The following IQCH variants were observed in gnomAD, a reference collection of about 807,000 sequenced individuals.
The protein encoded by IQCH is IQ motif containing H, also known as IQ domain-containing protein H.
Under a neutral mutation model 117.0 loss-of-function variants are expected in IQCH, and 98 were observed. That is an observed-to-expected ratio of 0.84 (90% CI 0.71 to 0.99). The LOEUF (loss-of-function observed/expected upper bound fraction) is 0.99, where lower values mean the gene tolerates loss of function less well. IQCH is among the 50% of genes least tolerant of loss of function. The pLI is 0.00. For synonymous variants in IQCH, 412 were observed against 448.2 expected, an observed-to-expected ratio of 0.92 and a Z score of 1.02; for missense variants, 1,102 against 1,243.8, an observed-to-expected ratio of 0.89 and a Z score of 1.72.
intron 6 of IQCH, among the ~76,000 whole-genome samples, chr15:67,350,114 A>G (rs973214059): frequency 2.0e-5 from 3 of 152,236 alleles, no homozygotes. Flanking sequence ...CATAATCACC[A>G]AAAACTGGAA....
At chr15:67,349,590 G>A (rs1333117125) in intron 6 of IQCH, among the ~76,000 whole-genome samples, 4 of 115,034 alleles carry the variant, frequency 3.5e-5, no homozygotes, top group African/African-American at 1.0e-4. Context: ...TGGGCAACAA[G>A]AGCAAGACTC....
chr15:67,452,988 C>T (rs529282401), intron 16 of IQCH, among the ~76,000 whole-genome samples: 1 of 152,324 alleles, frequency 6.6e-6, no homozygotes, highest in South Asian at 2.1e-4. Flanking sequence ...TCTTCTATCA[C>T]TGATACCCTT....
intron 6 of IQCH, among the ~76,000 whole-genome samples, chr15:67,345,785 G>A (rs1969360746): frequency 6.6e-6 from 1 of 152,136 alleles, no homozygotes; most frequent in South Asian, 2.1e-4. Context: ...AGACAAGAGT[G>A]TAAAAACTAG....
intron 4 of IQCH, among the ~76,000 whole-genome samples, chr15:67,281,134 G>A (rs759584083): frequency 2.0e-5 from 3 of 152,212 alleles, no homozygotes; most frequent in African/African-American, 7.2e-5. Context: ...ATGAGCCACC[G>A]CGCGTGGCCA....
In IQCH at chr15:67,456,124, G is replaced by A. The variant is rs1293965086; in HGVS notation, c.2506-9003G>A. Among the ~76,000 whole-genome samples, 1 of 151,882 alleles carries A rather than the reference G, an allele frequency of 6.6e-6. No homozygotes were observed. The highest frequency in any genetic ancestry group is 1.9e-4 in the East Asian group (1 of 5,180). On this transcript the variant is annotated intron_variant, in intron 16 of 20. Coordinates refer to ENST00000335894, the MANE Select transcript of IQCH (RefSeq NM_001031715.3). The surrounding 1 kb of genome is among the most constrained non-coding windows in gnomAD (Gnocchi z 5.1). The stretch of plus-strand genomic sequence containing the variant: ...AAACTCAGAAAAGGAAGCAGAGAAA[G>A]CAAGAGTATATTAAAAGATTTGTGA...
Position 67,391,884 on chromosome 15 carries a change from C to T in IQCH, c.1632+2878C>T, listed in dbSNP as rs954645444. 1.3e-5 allele frequency among the ~76,000 whole-genome samples: 2 copies of T among 152,140 alleles called. No individual in the cohort carries two copies. The highest frequency in any genetic ancestry group is 2.9e-5 in the Non-Finnish European group (2 of 68,016). ...GGTAGAGTACTTGCCAATAGAAACA[C>T]GCAAACCTAGAGGAGACAGAACTCC... On this transcript the variant is annotated intron_variant, in intron 12 of 20. Coordinates refer to ENST00000335894, the MANE Select transcript of IQCH (RefSeq NM_001031715.3). This position sits in a 1 kb window ranked among gnomAD's most constrained non-coding sequence, Gnocchi z 4.3.
rs1971167083 is a variant in IQCH, at chr15:67,388,168, T to G, written c.1457-663T>G. 6.6e-6 allele frequency among the ~76,000 whole-genome samples: 1 copy of G among 152,220 alleles called. No homozygotes were observed. Among genetic ancestry groups the G allele is most frequent in the Non-Finnish European group, 1.5e-5 (1 of 68,044 alleles). ...TATTCCATTTGGATGGGATATTTAA[T>G]TAGGGTTTCTTGCTATGTTACATGT... On this transcript the variant is annotated intron_variant, in intron 11 of 20. Coordinates refer to ENST00000335894, the MANE Select transcript of IQCH (RefSeq NM_001031715.3). This position sits in a 1 kb window ranked among gnomAD's most constrained non-coding sequence, Gnocchi z 5.5.
rs1970065144 is a variant in IQCH at position 67,359,950 on chromosome 15, C to T, written c.753+65C>T. On this transcript the variant is annotated intron_variant, in intron 8 of 20. Coordinates refer to ENST00000335894, the MANE Select transcript of IQCH (RefSeq NM_001031715.3). This position sits in a 1 kb window ranked among gnomAD's most constrained non-coding sequence, Gnocchi z 4.5. ...CACCTGATGTCCCTTCCTTTTGCTG[C>T]AGGGCAAGAGTATGGGTGACTGCTT... 1 of 1,338,666 alleles carries T rather than the reference C, an allele frequency of 7.5e-7. No individual in the cohort carries two copies. The highest frequency in any genetic ancestry group is 2.3e-5 in the East Asian group (1 of 43,530). The allele number at this position is 1,338,666 out of a possible 1,614,324, so 82.9% of individuals were successfully genotyped here. A position where few individuals can be genotyped will look rare whatever the true frequency, so the allele number is the denominator to read the frequency against.
chr15:67,260,385 A>G (rs888274013), intron 1 of IQCH, among the ~76,000 whole-genome samples: 4 of 152,206 alleles, frequency 2.6e-5, no homozygotes, highest in African/African-American at 4.8e-5. Context: ...GTAATAATAT[A>G]TGTTCCTTTT....
Position 67,501,213 on chromosome 15 carries a change from A to G in IQCH, c.*467A>G, listed in dbSNP as rs2083970858. The stretch of plus-strand genomic sequence containing the variant: ...TCAAAACACAAATGCCTTTTTTTCA[A>G]AGCTTCAAATTATATTGAAATTATA... On this transcript the variant is annotated 3_prime_UTR_variant, in exon 21 of 21. Coordinates refer to ENST00000335894, the MANE Select transcript of IQCH (RefSeq NM_001031715.3). This position sits in a 1 kb window ranked among gnomAD's most constrained non-coding sequence, Gnocchi z 5.2. 6.6e-6 allele frequency: 1 copy of G among 152,204 alleles called. No homozygotes were observed. The highest frequency in any genetic ancestry group is 6.5e-5 in the Admixed American group (1 of 15,280). 9.4% of individuals were successfully genotyped at this position (152,204 alleles called of 1,614,324 possible).
rs1596271881 is a variant in IQCH, at chr15:67,370,069, G to T, written c.754-2042G>T. On this transcript the variant is annotated intron_variant, in intron 8 of 20. Coordinates refer to ENST00000335894, the MANE Select transcript of IQCH (RefSeq NM_001031715.3). The surrounding 1 kb of genome is among the most constrained non-coding windows in gnomAD (Gnocchi z 5.6). Reference sequence around the variant, plus strand: ...TTTGCTCCCACTGCCACCCAAGGCTGTTCTTTCAGAAGGTCTAAAATACAT... The same window carrying T: ...TTTGCTCCCACTGCCACCCAAGGCTTTTCTTTCAGAAGGTCTAAAATACAT... Among the ~76,000 whole-genome samples the T allele has an allele frequency of 6.6e-6, 1 of 152,178 alleles. No homozygotes were observed. Among genetic ancestry groups the T allele is most frequent in the Admixed American group, 6.5e-5 (1 of 15,268 alleles).
chr15:67,348,577 G>T (rs1355509750), intron 6 of IQCH, among the ~76,000 whole-genome samples: 1 of 152,094 alleles, frequency 6.6e-6, no homozygotes, highest in East Asian at 1.9e-4. Context: ...CAAACCTATG[G>T]ATGCTGGATG....
At chr15:67,279,600 G>T in intron 4 of IQCH, 88 bp downstream of exon 4, 1 of 667,918 alleles carries the variant, frequency 1.5e-6, no homozygotes, top group South Asian at 2.0e-5. Context: ...GACTTTTAAT[G>T]GGTATGAAGT....
In IQCH at chr15:67,376,208, T is replaced by C. The variant is rs1185581995; in HGVS notation, c.1372+2775T>C. On this transcript the variant is annotated intron_variant, in intron 10 of 20. Coordinates refer to ENST00000335894, the MANE Select transcript of IQCH (RefSeq NM_001031715.3). This position sits in a 1 kb window ranked among gnomAD's most constrained non-coding sequence, Gnocchi z 5.0. Reference sequence around the variant, plus strand: ...TGTATATATTTTTAAGGATATAGGGTACCCTTTTTTTGTGTACCACATCCC... The same window carrying C: ...TGTATATATTTTTAAGGATATAGGGCACCCTTTTTTTGTGTACCACATCCC... 6.6e-6 allele frequency among the ~76,000 whole-genome samples: 1 copy of C among 152,204 alleles called. No individual in the cohort carries two copies. The highest frequency in any genetic ancestry group is 1.5e-5 in the Non-Finnish European group (1 of 68,032).
rs139410627 is a variant in IQCH, at chr15:67,400,120, G to C, written c.1912G>C (p.Glu638Gln). The change falls in exon 14 of 21, where the codon GAG becomes CAG. Residue 638 changes from glutamate to glutamine, a missense_variant. Physicochemically the swap from Glu to Gln is conservative, Grantham distance 29. Coordinates refer to ENST00000335894, the MANE Select transcript of IQCH (RefSeq NM_001031715.3). ...YDIYSQQQMI[E>Q]QLSQLITDHL... ...TGTGTCTTTGGCCTCACAGATGATA[G>C]AGCAGCTGAGTCAGCTGATAACTGA... 3.8e-5 allele frequency: 61 copies of C among 1,613,110 alleles called. No homozygotes were observed. The South Asian group carries it at 5.5e-4, about 15-fold the overall frequency.
intron 13 of IQCH, among the ~76,000 whole-genome samples, chr15:67,396,573 A>G (rs1213690373): frequency 6.6e-6 from 1 of 152,192 alleles, no homozygotes; most frequent in Non-Finnish European, 1.5e-5. Context: ...TTCATAATAG[A>G]GAAAATTAAA....
Position 67,485,434 on chromosome 15 carries a change from G to A in IQCH, c.2800-4569G>A, listed in dbSNP as rs139783507. On this transcript the variant is annotated intron_variant, in intron 18 of 20. Transcript: ENST00000335894. ...CTTCAGAGATACATGCAACATGGAGGAAACAATCTAACTTTCCTGCAATTA... is the reference window on the plus strand; with the variant it reads ...CTTCAGAGATACATGCAACATGGAGAAAACAATCTAACTTTCCTGCAATTA... Among the ~76,000 whole-genome samples the A allele has an allele frequency of 4.0e-3, 615 of 152,232 alleles. 4 individuals carry two copies. Among genetic ancestry groups the A allele is most frequent in the African/African-American group, 0.013 (524 of 41,542 alleles).
At position 67,377,538 on chromosome 15, in the gene IQCH, C is replaced by T. The variant is rs183380882; in HGVS notation, c.1372+4105C>T. 2.6e-4 allele frequency among the ~76,000 whole-genome samples: 39 copies of T among 152,302 alleles called. 1 individual carries two copies. Among genetic ancestry groups the T allele is most frequent in the Middle Eastern group, 6.8e-3 (2 of 294 alleles). On this transcript the variant is annotated intron_variant, in intron 10 of 20. Coordinates refer to ENST00000335894, the MANE Select transcript of IQCH (RefSeq NM_001031715.3). ...TACAGACTAATTTTGCTCCCAGTTT[C>T]TTTGGCCAAGTATTTCCTCCACTTT...
intron 13 of IQCH, among the ~76,000 whole-genome samples, chr15:67,398,145 C>A (rs1318820982): frequency 6.6e-6 from 1 of 152,024 alleles, no homozygotes; most frequent in Admixed American, 6.6e-5. Flanking sequence ...GATAATAATT[C>A]TGTTAGTAGT....
Sources: gnomAD v4.1 joint callset for allele counts (sites outside exome capture counted in the v4.1 genomes callset) on GRCh38, gnomAD v4.1.1 for gene constraint, Gnocchi (gnomAD v3.1) non-coding constraint, MANE v1.5 for transcripts, NCBI Gene and HGNC (gene_info 2026-07-23, HGNC 2026-07-21) for gene names.